BLTP3B: variants seen among roughly 807,000 people sequenced by gnomAD.
The protein encoded by BLTP3B is UHRF1 (ICBP90) binding protein 1-like.
chr12:100,046,809 G>T, the BLTP3B span, among the ~76,000 whole-genome samples: 2 of 152,120 alleles, frequency 1.3e-5, no homozygotes, highest in Non-Finnish European at 2.9e-5. Context: ...ATAATGATGA[G>T]CAATTCCAAT....
the BLTP3B span, chr12:100,047,914 T>G: frequency 1.4e-6 from 2 of 1,418,946 alleles, no homozygotes; most frequent in East Asian, 2.6e-5. Context: ...AAAAGGAACA[T>G]GAAAATATAA....
At chr12:100,075,290 G>A in the BLTP3B span, among the ~76,000 whole-genome samples, 22 of 152,018 alleles carry the variant, frequency 1.4e-4, no homozygotes, top group Non-Finnish European at 1.8e-4. Context: ...GATTACAAGT[G>A]TGAGCCACCA....
At chr12:100,123,551 C>G in the BLTP3B span, among the ~76,000 whole-genome samples, 7 of 152,146 alleles carry the variant, frequency 4.6e-5, no homozygotes, top group Non-Finnish European at 7.3e-5. Flanking sequence ...CCAAATCCCA[C>G]AGGCTGAGGG....
At chr12:100,093,019 A>C in the BLTP3B span, 1 of 944,838 alleles carries the variant, frequency 1.1e-6, no homozygotes, top group Non-Finnish European at 1.3e-6. Context: ...TTACTTAAAA[A>C]CTTCCACTGG....
At chr12:100,054,801 G>A in the BLTP3B span, among the ~76,000 whole-genome samples, 1 of 152,004 alleles carries the variant, frequency 6.6e-6, no homozygotes, top group Non-Finnish European at 1.5e-5. Flanking sequence ...TAAAAACTTG[G>A]GCTCATCAGT....
chr12:100,112,665 C>G, the BLTP3B span, among the ~76,000 whole-genome samples: 2 of 151,698 alleles, frequency 1.3e-5, no homozygotes, highest in African/African-American at 4.8e-5. Context: ...AAGGGCAAAA[C>G]AAAACAAAAC....
the BLTP3B span, among the ~76,000 whole-genome samples, chr12:100,052,262 C>T: frequency 4.0e-5 from 6 of 151,890 alleles, no homozygotes; most frequent in Non-Finnish European, 5.9e-5. Flanking sequence ...AGGGTGGTCT[C>T]GAACTCCTGA....
chr12:100,061,735 T>C, the BLTP3B span, among the ~76,000 whole-genome samples: 1 of 151,890 alleles, frequency 6.6e-6, no homozygotes, highest in African/African-American at 2.4e-5. Context: ...TAGTATGTAG[T>C]TAATAATACT....
chr12:100,131,365 T>C, the BLTP3B span, among the ~76,000 whole-genome samples: 4 of 151,286 alleles, frequency 2.6e-5, no homozygotes. Flanking sequence ...ATTTTTAATT[T>C]ATTTAAAAAA....
the BLTP3B span, among the ~76,000 whole-genome samples, chr12:100,130,949 CATAT>C: frequency 6.1e-5 from 6 of 97,562 alleles, no homozygotes; most frequent in Middle Eastern, 9.8e-3. Context: ...TACATACATA[CATAT>C]ATATATATAG....
chr12:100,113,862 T>C, the BLTP3B span, among the ~76,000 whole-genome samples: 1 of 151,956 alleles, frequency 6.6e-6, no homozygotes, highest in South Asian at 2.1e-4. Flanking sequence ...AAACTAGATG[T>C]TACAGGGAAT....
chr12:100,054,097 A>T, the BLTP3B span, among the ~76,000 whole-genome samples: 24 of 152,182 alleles, frequency 1.6e-4, no homozygotes, highest in African/African-American at 5.5e-4. Flanking sequence ...AAAATTTGTG[A>T]ACAATAATAT....
At chr12:100,074,175 T>C in the BLTP3B span, among the ~76,000 whole-genome samples, 1 of 152,078 alleles carries the variant, frequency 6.6e-6, no homozygotes, top group Non-Finnish European at 1.5e-5. Flanking sequence ...AGTTTCAGGA[T>C]ACAAAATCAA....
chr12:100,128,679 T>G, the BLTP3B span: 2 of 1,288,448 alleles, frequency 1.6e-6, no homozygotes, highest in African/African-American at 3.0e-5. Context: ...TTTGGGTGAT[T>G]ATGCAATTCA....
the BLTP3B span, among the ~76,000 whole-genome samples, chr12:100,039,959 A>T: frequency 6.6e-6 from 1 of 152,190 alleles, no homozygotes; most frequent in African/African-American, 2.4e-5. Context: ...CTCTGAAAAG[A>T]TCAACTAAAT....
At chr12:100,074,989 G>T in the BLTP3B span, among the ~76,000 whole-genome samples, 1 of 150,966 alleles carries the variant, frequency 6.6e-6, no homozygotes, top group South Asian at 2.1e-4. Flanking sequence ...ATATTTAGAA[G>T]AATGAAACTG....
At chr12:100,057,553 G>A in the BLTP3B span, 1 of 1,592,234 alleles carries the variant, frequency 6.3e-7, no homozygotes, top group Non-Finnish European at 8.6e-7. Context: ...GAATTCTTAA[G>A]CCGTATCATA....
chr12:100,059,504 T>C, the BLTP3B span: 1 of 1,601,758 alleles, frequency 6.2e-7, no homozygotes, highest in East Asian at 2.2e-5. Context: ...CTTGATGACA[T>C]TCAGATTTCA....
the BLTP3B span, among the ~76,000 whole-genome samples, chr12:100,087,158 CAAAAAAAAA>C: frequency 0.025 from 1,512 of 59,878 alleles, 32 homozygotes; most frequent in African/African-American, 0.09. Context: ...GACTCCATCT[CAAAAAAAAA>C]AAAAAAAAAA....
Sources: gnomAD v4.1 joint callset for allele counts (sites outside exome capture counted in the v4.1 genomes callset) on GRCh38, gnomAD v4.1.1 for gene constraint, MANE v1.5 for transcripts, NCBI Gene and HGNC (gene_info 2026-07-23, HGNC 2026-07-21) for gene names.